Variants in TRMT9B observed in about 807,000 individuals in gnomAD.
The protein encoded by TRMT9B is tRNA methyltransferase 9B (putative).
TRMT9B carries 16 observed loss-of-function variants against 11.5 expected under a neutral mutation model. The ratio of observed to expected loss-of-function variants is 1.39; its 90% confidence interval spans 0.94 to 2.11. The LOEUF is 2.11. TRMT9B is among the 30% of genes most tolerant of loss of function. TRMT9B has a pLI of 0.00. For synonymous variants in TRMT9B, 274 were observed against 192.4 expected, an observed-to-expected ratio of 1.42 and a Z score of -3.51; for missense variants, 941 against 553.8, an observed-to-expected ratio of 1.70 and a Z score of -7.02.
chr8:13,012,822 G>C lies in TRMT9B; in HGVS notation c.293G>C (p.Arg98Thr). 2 of 1,613,928 alleles carry C rather than the reference G, an allele frequency of 1.2e-6. No homozygotes were observed. Among genetic ancestry groups the C allele is most frequent in the Non-Finnish European group, 1.7e-6 (2 of 1,179,864 alleles). Residue 98 changes from arginine to threonine, a missense_variant, in exon 4 of 5, where the codon AGG becomes ACG. Coordinates refer to ENST00000524591, the MANE Select transcript of TRMT9B (RefSeq NM_020844.3). The stretch of plus-strand genomic sequence containing the variant: ...TGTGACAACCTTAATCTCCCCTTTA[G>C]GGATGAGGGCTTCGATGCCATCATC... ...MVCDNLNLPFRDEGFDAIISI... is the reference protein window; with the variant it reads ...MVCDNLNLPFTDEGFDAIISI...
intron 1 of TRMT9B, among the ~76,000 whole-genome samples, chr8:12,953,623 G>C (rs763990912): frequency 4.6e-5 from 7 of 152,202 alleles, no homozygotes; most frequent in Non-Finnish European, 8.8e-5. Flanking sequence ...TTATCTTTTA[G>C]CTAACGAATG....
At chr8:12,977,248 C>T (rs550497175) in intron 1 of TRMT9B, among the ~76,000 whole-genome samples, 100 of 152,184 alleles carry the variant, frequency 6.6e-4, no homozygotes, top group African/African-American at 2.4e-3. Context: ...TAATGCTGGT[C>T]GATGGAGCAC....
At chr8:12,975,409 A>G (rs561883172) in intron 1 of TRMT9B, among the ~76,000 whole-genome samples, 127 of 151,968 alleles carry the variant, frequency 8.4e-4, no homozygotes, top group Middle Eastern at 3.4e-3. Context: ...CTTTCTTCTA[A>G]AAGTAGCAGG....
chr8:13,005,859 C>G (rs188355860), intron 2 of TRMT9B, among the ~76,000 whole-genome samples: 8 of 152,292 alleles, frequency 5.3e-5, no homozygotes, highest in Admixed American at 5.2e-4. Context: ...TATTTAGCAT[C>G]AGATACAATG....
Position 13,022,146 on chromosome 8 carries a change from T to C in TRMT9B, c.*102T>C. The stretch of plus-strand genomic sequence containing the variant: ...GCATTCAGTGTTATTTGTTAATCCA[T>C]TTACGCTTTGGTCTGCAGAGACTAT... On this transcript the variant is annotated 3_prime_UTR_variant, in exon 5 of 5. Transcript: ENST00000524591. The C allele has an allele frequency of 1.2e-6, 1 of 855,612 alleles. No homozygotes were observed. The highest frequency in any genetic ancestry group is 1.9e-5 in the South Asian group (1 of 52,518). The allele number at this position is 855,612 out of a possible 1,614,324, so 53.0% of individuals were successfully genotyped here.
chr8:13,009,189 G>A (rs1319909027), intron 3 of TRMT9B, among the ~76,000 whole-genome samples: 2 of 152,126 alleles, frequency 1.3e-5, no homozygotes, highest in African/African-American at 2.4e-5. Flanking sequence ...TTATACATGG[G>A]ATCTAAAACA....
rs1275610066 is a variant in TRMT9B, at chr8:13,027,113, A to G, written c.*5069A>G. ...AGTAAGGCAACTGAGGACTATTCAGATATTTCATTCACTCCATTTGTTTAC... is the reference window on the plus strand; with the variant it reads ...AGTAAGGCAACTGAGGACTATTCAGGTATTTCATTCACTCCATTTGTTTAC... On this transcript the variant is annotated 3_prime_UTR_variant, in exon 5 of 5. Transcript: ENST00000524591. The G allele has an allele frequency of 1.2e-5, 2 of 167,076 alleles. No individual in the cohort carries two copies. The highest frequency in any genetic ancestry group is 3.9e-4 in the East Asian group (2 of 5,194). 10.3% of individuals were successfully genotyped at this position (167,076 alleles called of 1,614,324 possible).
chr8:12,951,923 A>C (rs1800673510), intron 1 of TRMT9B: 2 of 152,158 alleles, frequency 1.3e-5, no homozygotes, highest in African/African-American at 4.8e-5. Context: ...CCTCGCTGCA[A>C]CTTCTCTTTG....
rs560324216 is a variant in TRMT9B at position 13,017,568 on chromosome 8, T to A, written c.329-3440T>A. Among the ~76,000 whole-genome samples, 25 of 151,862 alleles carry A rather than the reference T, an allele frequency of 1.6e-4. No individual in the cohort carries two copies. The South Asian group carries it at 4.2e-3, about 25-fold the overall frequency. On this transcript the variant is annotated intron_variant, in intron 4 of 4. Transcript: ENST00000524591. ...TTTCTTAATAGAACATGTATGCGTA[T>A]GCATGTCTAATACATTTAATATGTA...
At chr8:13,011,801 A>T (rs569266352) in intron 3 of TRMT9B, 36 of 958,538 alleles carry the variant, frequency 3.8e-5, no homozygotes, top group Non-Finnish European at 4.5e-5. Flanking sequence ...CATAGAGATC[A>T]TTTTAAATGT....
intron 2 of TRMT9B, among the ~76,000 whole-genome samples, chr8:13,005,280 G>A (rs1283503830): frequency 1.3e-5 from 2 of 152,046 alleles, no homozygotes; most frequent in African/African-American, 2.4e-5. Flanking sequence ...GGATGGTTAC[G>A]AGAGGCTGCA....
rs745927281 is a variant in TRMT9B at position 13,021,456 on chromosome 8, G to C, written c.777G>C (p.Ser259=). 3.7e-6 allele frequency: 6 copies of C among 1,613,838 alleles called. 1 individual carries two copies. Among genetic ancestry groups the C allele is most frequent in the South Asian group, 2.2e-5 (2 of 91,076 alleles). ...TTTTCTCCAGATCTTTGGATGAATCGACTCTGAGGAAGCAAATTGAAAGAG... is the reference window on the plus strand; with the variant it reads ...TTTTCTCCAGATCTTTGGATGAATCCACTCTGAGGAAGCAAATTGAAAGAG... ...SWFFSRSLDE[S]TLRKQIERVR... is the part of the protein sequence containing the mutation. The change falls in exon 5 of 5, where the codon TCG becomes TCC. Residue 259 remains serine, a synonymous_variant. Transcript: ENST00000524591.
At chr8:13,012,352 G>A (rs368624446) in intron 3 of TRMT9B, 69 of 855,456 alleles carry the variant, frequency 8.1e-5, no homozygotes, top group Middle Eastern at 5.8e-4. Context: ...CGAGGCAGGC[G>A]GATCACCTGA....
chr8:12,971,756 A>T (rs1247069263), intron 1 of TRMT9B, among the ~76,000 whole-genome samples: 2 of 152,238 alleles, frequency 1.3e-5, no homozygotes, highest in Non-Finnish European at 2.9e-5. Context: ...GAATATATTT[A>T]GATGTGGTTA....
chr8:12,980,239 C>T (rs576006625), intron 1 of TRMT9B, among the ~76,000 whole-genome samples: 1 of 152,058 alleles, frequency 6.6e-6, no homozygotes, highest in Non-Finnish European at 1.5e-5. Context: ...CCTCCAATTC[C>T]CGGTGGGCCC....
chr8:12,990,076 C>T (rs535591429), intron 1 of TRMT9B, among the ~76,000 whole-genome samples: 1 of 152,238 alleles, frequency 6.6e-6, no homozygotes, highest in South Asian at 2.1e-4. Context: ...CGCACCCTGC[C>T]ATCGTGAGAA....
intron 1 of TRMT9B, among the ~76,000 whole-genome samples, chr8:12,986,599 A>G (rs1474153067): frequency 2.0e-5 from 3 of 152,234 alleles, no homozygotes; most frequent in Non-Finnish European, 4.4e-5. Flanking sequence ...ATGTATTCAC[A>G]TGCATTACGA....
chr8:12,977,697 C>A (rs1033117627), intron 1 of TRMT9B, among the ~76,000 whole-genome samples: 1 of 151,862 alleles, frequency 6.6e-6, no homozygotes, highest in Non-Finnish European at 1.5e-5. Context: ...AAGACTCTGT[C>A]TCAAAAACAA....
In TRMT9B at chr8:13,021,456, G is replaced by T; in HGVS notation, c.777G>T (p.Ser259=). The change falls in exon 5 of 5, where the codon TCG becomes TCT. Residue 259 remains serine, a synonymous_variant. Transcript: ENST00000524591. ...SWFFSRSLDE[S]TLRKQIERVR... is the part of the protein sequence containing the mutation. ...TTTTCTCCAGATCTTTGGATGAATC[G>T]ACTCTGAGGAAGCAAATTGAAAGAG... is the stretch of plus-strand genomic sequence containing the variant. The T allele has an allele frequency of 1.2e-6, 2 of 1,613,954 alleles. No individual in the cohort carries two copies. Among genetic ancestry groups the T allele is most frequent in the South Asian group, 1.1e-5 (1 of 91,070 alleles).
Sources: allele counts gnomAD v4.1 joint callset (sites outside exome capture counted in the v4.1 genomes callset), GRCh38; gene constraint gnomAD v4.1.1; transcripts MANE v1.5; gene names NCBI Gene and HGNC (gene_info 2026-07-23, HGNC 2026-07-21).